The following TMPRSS5 variants were observed in gnomAD, a reference collection of about 807,000 sequenced individuals.
TMPRSS5 encodes the protein transmembrane serine protease 5.
Under a neutral mutation model 59.7 loss-of-function variants are expected in TMPRSS5, and 45 were observed. The observed-to-expected ratio is 0.75, with a 90% CI of 0.59 to 0.97. The LOEUF (loss-of-function observed/expected upper bound fraction) is 0.97, where lower values mean the gene tolerates loss of function less well. Among genes scored for constraint, TMPRSS5 ranks in the 50% least tolerant of loss-of-function variants. TMPRSS5 has a pLI of 0.00. For missense variants in TMPRSS5, 585 were observed against 596.7 expected (o/e 0.98, Z 0.20); for synonymous variants, 225 against 232.0 (o/e 0.97, Z 0.27).
intron 1 of TMPRSS5, among the ~76,000 whole-genome samples, chr11:113,701,860 T>C (rs755644220): frequency 1.3e-5 from 2 of 152,156 alleles, no homozygotes; most frequent in Non-Finnish European, 2.9e-5. Context: ...TAGGTATACA[T>C]GTGCCGTGGT....
At chr11:113,690,181 C>CCCCCCCCCCCCACA in intron 11 of TMPRSS5, 50 bp downstream of exon 11, 1 of 699,644 alleles carries the variant, frequency 1.4e-6, no homozygotes, top group Non-Finnish European at 2.4e-6. Context: ...CCCCTGCCCT[C>CCCCCCCCCCCCACA]CCACCCCCAC....
chr11:113,695,880 C>T (rs1424736630), intron 6 of TMPRSS5, among the ~76,000 whole-genome samples: 2 of 152,156 alleles, frequency 1.3e-5, no homozygotes, highest in Admixed American at 6.5e-5. Context: ...CACCCTGGTC[C>T]CTCTGCCTGG....
rs58784708 is a variant in TMPRSS5, at chr11:113,691,892, C to CTTTTTTTTTTTTTTTTTTTTTT, written c.965-954_965-953insAAAAAAAAAAAAAAAAAAAAAA. ...AGAAAGTTTTCTTTTCCTTTTTTTT[C>CTTTTTTTTTTTTTTTTTTTTTT]TTTTTTTTTTTTTGAGACGGAGTCT... On this transcript the variant is annotated intron_variant, in intron 9 of 12. Coordinates refer to ENST00000299882, the MANE Select transcript of TMPRSS5 (RefSeq NM_030770.4). Among the ~76,000 whole-genome samples, 29 of 121,106 alleles carry CTTTTTTTTTTTTTTTTTTTTTT rather than the reference C, an allele frequency of 2.4e-4. 2 individuals carry two copies. The highest frequency in any genetic ancestry group is 4.0e-4 in the African/African-American group (11 of 27,492). The allele number at this position is 121,106 out of a possible 152,430, so 79.5% of individuals were successfully genotyped here. A position where few individuals can be genotyped will look rare whatever the true frequency, so the allele number is the denominator to read the frequency against.
intron 5 of TMPRSS5, 88 bp downstream of exon 5, chr11:113,697,195 C>T (rs1952953083): frequency 6.6e-7 from 1 of 1,518,260 alleles, no homozygotes. Flanking sequence ...AGCACATTGA[C>T]CAGTGACGGG....
chr11:113,692,683 A>C (rs1952815956), intron 9 of TMPRSS5, among the ~76,000 whole-genome samples: 1 of 152,182 alleles, frequency 6.6e-6, no homozygotes, highest in Non-Finnish European at 1.5e-5. Flanking sequence ...GGTTGTTACG[A>C]GGACTGAAAG....
At chr11:113,697,112 C>T (rs1158470757) in intron 5 of TMPRSS5, 141 bp from the exon 6 acceptor site, 2 of 1,230,500 alleles carry the variant, frequency 1.6e-6, no homozygotes, top group Non-Finnish European at 1.2e-6. Flanking sequence ...ATACTCCAAA[C>T]AGAGAAATGG....
intron 1 of TMPRSS5, among the ~76,000 whole-genome samples, chr11:113,705,417 A>G (rs1397841209): frequency 6.6e-6 from 1 of 152,084 alleles, no homozygotes; most frequent in Admixed American, 6.6e-5. Flanking sequence ...CATCTTGCCT[A>G]TAGAAAGAGG....
chr11:113,705,393 C>T (rs1460580145), intron 1 of TMPRSS5, among the ~76,000 whole-genome samples: 2 of 152,172 alleles, frequency 1.3e-5, no homozygotes, highest in Non-Finnish European at 2.9e-5. Flanking sequence ...TCACAGACAG[C>T]GCAGCAGCCC....
At chr11:113,696,835 C>G in intron 6 of TMPRSS5, 23 bp downstream of exon 6, 1 of 1,519,098 alleles carries the variant, frequency 6.6e-7, no homozygotes, top group Non-Finnish European at 9.0e-7. Context: ...ACCCCACTCA[C>G]CTAACAGCCT....
Position 113,688,169 on chromosome 11 carries a change from G to A in TMPRSS5, c.*91C>T. ...GAGGTCCATGCGTTCTGTGTCGGAG[G>A]CTACTGCCTCTCCTCCATTAGTGGA... On this transcript the variant is annotated 3_prime_UTR_variant, in exon 13 of 13. Coordinates refer to ENST00000299882, the MANE Select transcript of TMPRSS5 (RefSeq NM_030770.4). 1 of 1,515,736 alleles carries A rather than the reference G, an allele frequency of 6.6e-7. No homozygotes were observed. Among genetic ancestry groups the A allele is most frequent in the South Asian group, 1.3e-5 (1 of 76,646 alleles). 93.9% of individuals were successfully genotyped at this position (1,515,736 alleles called of 1,614,324 possible). A position where few individuals can be genotyped will look rare whatever the true frequency, so the allele number is the denominator to read the frequency against.
At chr11:113,706,176 AAGAG>A (rs1565269805) in intron 1 of TMPRSS5, 42 bp downstream of exon 1, 9 of 1,583,456 alleles carry the variant, frequency 5.7e-6, no homozygotes, top group East Asian at 2.3e-5. Flanking sequence ...GAGAGAAAGA[AAGAG>A]AGAGAGGCCA....
At chr11:113,690,180 T>TACCCCCCCCCCCCCCCCCCCCCCCC in intron 11 of TMPRSS5, 51 bp downstream of exon 11, 1 of 187,992 alleles carries the variant, frequency 5.3e-6, no homozygotes, top group Admixed American at 1.4e-4. Context: ...CCCCCTGCCC[T>TACCCCCCCCCCCCCCCCCCCCCCCC]CCCACCCCCA....
chr11:113,694,538 G>C lies in TMPRSS5; in HGVS notation c.725C>G (p.Thr242Arg), dbSNP rs116913282. 2 of 1,559,888 alleles carry C rather than the reference G, an allele frequency of 1.3e-6. No individual in the cohort carries two copies. The highest frequency in any genetic ancestry group is 1.7e-6 in the Non-Finnish European group (2 of 1,151,884). ...TGGCGCTAGCACAGAGCCCCCACAC[G>C]TGTGCCGGAAGCCCAGGGCCACGCT... ...QASVALGFRH[T>R]CGGSVLAPRW... The change falls in exon 8 of 13, where the codon ACG becomes AGG. Residue 242 changes from threonine to arginine, a missense_variant. By Grantham distance (71) the Thr-to-Arg change is moderately conservative (BLOSUM62 -1). Coordinates refer to ENST00000299882, the MANE Select transcript of TMPRSS5 (RefSeq NM_030770.4).
At chr11:113,704,503 C>A (rs1210547083) in intron 1 of TMPRSS5, among the ~76,000 whole-genome samples, 1 of 152,178 alleles carries the variant, frequency 6.6e-6, no homozygotes, top group Non-Finnish European at 1.5e-5. Flanking sequence ...TCACAAAGTC[C>A]TCCATGATCT....
chr11:113,695,498 C>T, intron 6 of TMPRSS5, 55 bp from the exon 7 acceptor site: 1 of 1,586,060 alleles, frequency 6.3e-7, no homozygotes, highest in East Asian at 2.2e-5. Context: ...TGCAGCCACA[C>T]ACATCCAAGG....
intron 1 of TMPRSS5, among the ~76,000 whole-genome samples, chr11:113,700,671 C>T (rs945397183): frequency 6.6e-6 from 1 of 152,174 alleles, no homozygotes; most frequent in Non-Finnish European, 1.5e-5. Context: ...AATAAACCAA[C>T]GTGGACCACT....
rs777688004 is a variant in TMPRSS5 at position 113,704,305 on chromosome 11, A to G, written c.3+1917T>C. Among the ~76,000 whole-genome samples, 5 of 152,348 alleles carry G rather than the reference A, an allele frequency of 3.3e-5. No individual in the cohort carries two copies. In the East Asian group the frequency reaches 5.8e-4, roughly 18 times the overall value. On this transcript the variant is annotated intron_variant, in intron 1 of 12. Coordinates refer to ENST00000299882, the MANE Select transcript of TMPRSS5 (RefSeq NM_030770.4). ...AAATTTCAATTTTCTCATTTGTAAA[A>G]TAAGAGTAATAACTCCTGCTTTCCA...
At chr11:113,690,170 C>A in intron 11 of TMPRSS5, 61 bp downstream of exon 11, 1 of 792,066 alleles carries the variant, frequency 1.3e-6, no homozygotes, top group South Asian at 1.7e-5. Context: ...TCACAGCAGG[C>A]CCCCTGCCCT....
At chr11:113,695,025 T>A (rs1952888809) in intron 7 of TMPRSS5, among the ~76,000 whole-genome samples, 1 of 151,958 alleles carries the variant, frequency 6.6e-6, no homozygotes, top group African/African-American at 2.4e-5. Context: ...GTTTGGTACC[T>A]GATTCACCAC....
Sources: allele counts gnomAD v4.1 joint callset (sites outside exome capture counted in the v4.1 genomes callset), GRCh38; gene constraint gnomAD v4.1.1; transcripts MANE v1.5; gene names NCBI Gene and HGNC (gene_info 2026-07-23, HGNC 2026-07-21).